The following ADAMTS12 variants were observed in gnomAD, a reference collection of about 807,000 sequenced individuals.
ADAMTS12 encodes A disintegrin and metalloproteinase with thrombospondin motifs 12.
Under a neutral mutation model 167.8 loss-of-function variants are expected in ADAMTS12, and 118 were observed. The ratio of observed to expected loss-of-function variants is 0.70; its 90% CI spans 0.61 to 0.82. The LOEUF (loss-of-function observed/expected upper bound fraction) is 0.82. Ranked by LOEUF, ADAMTS12 falls within the 40% of genes least tolerant of loss-of-function variation. ADAMTS12 has a pLI of 0.00. For missense variants in ADAMTS12, 1,916 were observed against 1,998.8 expected (o/e 0.96, Z 0.79); for synonymous variants, 704 against 716.9 (o/e 0.98, Z 0.29).
intron 2 of ADAMTS12, among the ~76,000 whole-genome samples, chr5:33,781,579 A>G (rs1304610172): frequency 6.6e-6 from 1 of 152,200 alleles, no homozygotes; most frequent in African/African-American, 2.4e-5. Flanking sequence ...GCTGCATATC[A>G]GATAATGGAA....
chr5:33,583,171 C>T (rs1481952968), intron 18 of ADAMTS12, among the ~76,000 whole-genome samples: 4 of 152,146 alleles, frequency 2.6e-5, no homozygotes, highest in African/African-American at 7.2e-5. Flanking sequence ...TAGTAACTAT[C>T]CTTCTACTCT....
intron 22 of ADAMTS12, among the ~76,000 whole-genome samples, chr5:33,536,629 G>A (rs570203831): frequency 6.6e-6 from 1 of 152,230 alleles, no homozygotes; most frequent in African/African-American, 2.4e-5. Flanking sequence ...CCAAAGGCTG[G>A]CCTGGTAGGT....
intron 3 of ADAMTS12, among the ~76,000 whole-genome samples, chr5:33,702,136 G>A (rs1278265441): frequency 2.6e-5 from 4 of 152,158 alleles, no homozygotes; most frequent in African/African-American, 7.2e-5. Flanking sequence ...GAACCTTAAC[G>A]AGTGCAAAGC....
chr5:33,677,381 A>G (rs1297620023), intron 5 of ADAMTS12, among the ~76,000 whole-genome samples: 1 of 152,232 alleles, frequency 6.6e-6, no homozygotes, highest in Non-Finnish European at 1.5e-5. Context: ...TTACAAAATG[A>G]GGAAATGGAG....
chr5:33,679,494 A>G (rs750275653), intron 5 of ADAMTS12, among the ~76,000 whole-genome samples: 11 of 152,068 alleles, frequency 7.2e-5, no homozygotes, highest in Non-Finnish European at 1.3e-4. Flanking sequence ...CCCTTATTAA[A>G]CCATCAGATC....
chr5:33,749,112 ATCT>A (rs764427189), intron 3 of ADAMTS12, among the ~76,000 whole-genome samples: 3 of 152,120 alleles, frequency 2.0e-5, no homozygotes, highest in Non-Finnish European at 2.9e-5. Flanking sequence ...CTCTAGTTTC[ATCT>A]TCTTGGCTAT....
At chr5:33,885,394 G>A (rs1450096815) in intron 1 of ADAMTS12, among the ~76,000 whole-genome samples, 5 of 152,154 alleles carry the variant, frequency 3.3e-5, no homozygotes, top group South Asian at 2.1e-4. Context: ...TAGTTCCTCC[G>A]GGAGGCCGAG....
Position 33,588,677 on chromosome 5 carries a change from C to A in ADAMTS12, c.2787G>T (p.Leu929=). 6.2e-7 allele frequency: 1 copy of A among 1,614,096 alleles called. No individual in the cohort carries two copies. The highest frequency in any genetic ancestry group is 8.5e-7 in the Non-Finnish European group (1 of 1,180,020). Residue 929 remains leucine, a synonymous_variant, in exon 18 of 24, where the codon CTG becomes CTT. Transcript: ENST00000504830. ...AGGAAAGGAGGGTCTTGGGCTTCAG[C>A]AGGTGCTGGCAGTCTGTGGGCGGGA... The part of the protein sequence containing the change: ...QALPPTDCQH[L]LKPKTLLSCN...
intron 16 of ADAMTS12, among the ~76,000 whole-genome samples, chr5:33,597,870 G>A (rs1252164291): frequency 6.6e-6 from 1 of 152,064 alleles, no homozygotes; most frequent in Non-Finnish European, 1.5e-5. Context: ...TTAAAGCTTG[G>A]GTGGTTTGGC....
At chr5:33,862,206 TG>T (rs1749644361) in intron 2 of ADAMTS12, among the ~76,000 whole-genome samples, 1 of 152,020 alleles carries the variant, frequency 6.6e-6, no homozygotes, top group African/African-American at 2.4e-5. Flanking sequence ...GATAGAGACA[TG>T]AAAAACCTTT....
chr5:33,857,139 C>T (rs139495652), intron 2 of ADAMTS12, among the ~76,000 whole-genome samples: 17 of 152,270 alleles, frequency 1.1e-4, no homozygotes, highest in African/African-American at 2.2e-4. Flanking sequence ...GAGAATGCCA[C>T]GTTAAGTGAA....
At chr5:33,577,413 A>C (rs1160925929) in intron 18 of ADAMTS12, among the ~76,000 whole-genome samples, 1 of 152,224 alleles carries the variant, frequency 6.6e-6, no homozygotes, top group Non-Finnish European at 1.5e-5. Context: ...GTCAAACTGC[A>C]GTCCCTTTGG....
chr5:33,649,431 G>A, intron 8 of ADAMTS12, 123 bp downstream of exon 8: 1 of 1,256,000 alleles, frequency 8.0e-7, no homozygotes, highest in South Asian at 1.5e-5. Context: ...ATGCCACCCT[G>A]ACATGGTGGC....
rs551150493 is a variant in ADAMTS12, at chr5:33,527,013, C to T, written c.*175G>A. 1 of 787,002 alleles carries T rather than the reference C, an allele frequency of 1.3e-6. No homozygotes were observed. The highest frequency in any genetic ancestry group is 2.8e-5 in the Admixed American group (1 of 35,902). The allele number at this position is 787,002 out of a possible 1,614,324, so 48.8% of individuals were successfully genotyped here. On this transcript the variant is annotated 3_prime_UTR_variant, in exon 24 of 24. Transcript: ENST00000504830. The stretch of plus-strand genomic sequence containing the variant: ...GGAGCAGCAAGTACGGCAGCCTAGG[C>T]CTCCTGTGAGGGACATTCGGTGGCT...
intron 17 of ADAMTS12, among the ~76,000 whole-genome samples, chr5:33,593,912 G>GGCATCA (rs1747774083): frequency 1.3e-5 from 2 of 152,264 alleles, no homozygotes; most frequent in South Asian, 4.1e-4. Flanking sequence ...AAATTTCTCT[G>GGCATCA]AACCTTTATC....
chr5:33,758,985 T>C (rs1402789547), intron 2 of ADAMTS12, among the ~76,000 whole-genome samples: 1 of 152,214 alleles, frequency 6.6e-6, no homozygotes, highest in Non-Finnish European at 1.5e-5. Context: ...GATCAGATGA[T>C]ACCCCACTAA....
intron 16 of ADAMTS12, among the ~76,000 whole-genome samples, chr5:33,605,705 CAG>C (rs1579736359): frequency 6.6e-6 from 1 of 152,136 alleles, no homozygotes; most frequent in East Asian, 1.9e-4. Flanking sequence ...AGTCACAGAA[CAG>C]AGAATAAAGA....
chr5:33,634,177 C>T (rs1398707185), intron 12 of ADAMTS12, among the ~76,000 whole-genome samples: 2 of 152,072 alleles, frequency 1.3e-5, no homozygotes, highest in Admixed American at 1.3e-4. Context: ...AGTTTTGATG[C>T]ATTTCGTGTT....
intron 16 of ADAMTS12, among the ~76,000 whole-genome samples, chr5:33,600,434 A>G (rs868446557): frequency 6.6e-6 from 1 of 152,222 alleles, no homozygotes; most frequent in Non-Finnish European, 1.5e-5. Context: ...CAATATCCAG[A>G]TTGTAAAATC....
Sources: allele counts gnomAD v4.1 joint callset (sites outside exome capture counted in the v4.1 genomes callset), GRCh38; gene constraint gnomAD v4.1.1; transcripts MANE v1.5; gene names NCBI Gene and HGNC (gene_info 2026-07-23, HGNC 2026-07-21).